Variants in CAMK1D observed in about 807,000 individuals in gnomAD.
CAMK1D encodes the protein calcium/calmodulin dependent protein kinase ID.
CAMK1D carries 9 observed loss-of-function variants against 47.7 expected under a neutral mutation model. That is an observed-to-expected ratio of 0.19 (90% CI 0.11 to 0.33). The LOEUF is 0.33. CAMK1D is among the 10% of genes least tolerant of loss of function. The pLI is 1.00. For synonymous variants in CAMK1D, 184 were observed against 184.9 expected, an observed-to-expected ratio of 0.99 and a Z score of 0.04; for missense variants, 291 against 488.7, an observed-to-expected ratio of 0.60 and a Z score of 3.81.
At chr10:12,564,143 C>G (rs56385850) in intron 2 of CAMK1D, among the ~76,000 whole-genome samples, 54,383 of 132,136 alleles carry the variant, frequency 0.41, 10,249 homozygotes, top group Middle Eastern at 0.46. Flanking sequence ...CTCTCTCTCT[C>G]TCTGTCTCTC....
At chr10:12,411,913 T>C (rs76495296) in intron 1 of CAMK1D, among the ~76,000 whole-genome samples, 36 of 152,348 alleles carry the variant, frequency 2.4e-4, no homozygotes, top group African/African-American at 7.9e-4. Flanking sequence ...TGGCTTCATA[T>C]GCTCCTCTTG....
intron 2 of CAMK1D, among the ~76,000 whole-genome samples, chr10:12,609,656 T>G (rs757322881): frequency 6.6e-6 from 1 of 152,164 alleles, no homozygotes; most frequent in Middle Eastern, 3.4e-3. Context: ...GAGGTGGAGC[T>G]CAGGCGGTGA....
chr10:12,615,760 G>A lies in CAMK1D; in HGVS notation c.225-50976G>A, dbSNP rs181337030. On this transcript the variant is annotated intron_variant, in intron 2 of 10. Transcript: ENST00000619168. ...TGTGGGGGTGTGTATAGTTGTGTGC[G>A]TAGGTGTGTGTAAGTGCATGTGTGT... 2.6e-4 allele frequency among the ~76,000 whole-genome samples: 40 copies of A among 151,356 alleles called. No homozygotes were observed. In the South Asian group the frequency reaches 2.7e-3, roughly 10 times the overall value.
At chr10:12,493,034 G>A (rs1834433439) in intron 1 of CAMK1D, among the ~76,000 whole-genome samples, 1 of 152,210 alleles carries the variant, frequency 6.6e-6, no homozygotes, top group African/African-American at 2.4e-5. Context: ...ATTCATGGAT[G>A]AAACCCTTGC....
intron 1 of CAMK1D, among the ~76,000 whole-genome samples, chr10:12,366,658 T>A (rs1837844876): frequency 6.9e-6 from 1 of 145,796 alleles, no homozygotes; most frequent in Non-Finnish European, 1.5e-5. Context: ...GACTATGTCT[T>A]AAAAAAAAAA....
intron 3 of CAMK1D, among the ~76,000 whole-genome samples, chr10:12,735,251 C>T (rs951935476): frequency 8.5e-5 from 13 of 152,070 alleles, no homozygotes; most frequent in East Asian, 7.7e-4. Flanking sequence ...CCGAGGCGGG[C>T]GGATCACGAG....
In CAMK1D at chr10:12,467,093, A is replaced by G. The variant is rs143294236; in HGVS notation, c.93-86132A>G. 3.3e-5 allele frequency among the ~76,000 whole-genome samples: 5 copies of G among 152,100 alleles called. No individual in the cohort carries two copies. The East Asian group carries it at 9.7e-4, about 29-fold the overall frequency. The stretch of plus-strand genomic sequence containing the variant: ...TACGTGGCCCGCAGAAGGAATGGGT[A>G]GATGCTGCCATGTGGAACGTGTAAT... On this transcript the variant is annotated intron_variant, in intron 1 of 10. Transcript: ENST00000619168.
At chr10:12,433,134 T>C (rs1050681041) in intron 1 of CAMK1D, among the ~76,000 whole-genome samples, 3 of 152,208 alleles carry the variant, frequency 2.0e-5, no homozygotes, top group Non-Finnish European at 4.4e-5. Context: ...AGGTTTCCTC[T>C]CACAGCCTCA....
At chr10:12,630,373 CTTT>C (rs57333952) in intron 2 of CAMK1D, among the ~76,000 whole-genome samples, 1 of 93,652 alleles carries the variant, frequency 1.1e-5, no homozygotes, top group African/African-American at 3.7e-5. Context: ...CTTTTTCTTT[CTTT>C]TTTTTTTTTT....
intron 3 of CAMK1D, among the ~76,000 whole-genome samples, chr10:12,692,835 C>T (rs1832982741): frequency 6.6e-6 from 1 of 152,168 alleles, no homozygotes; most frequent in Non-Finnish European, 1.5e-5. Context: ...GATGGAGCGT[C>T]TTCTAATGTT....
intron 8 of CAMK1D, among the ~76,000 whole-genome samples, chr10:12,816,995 G>A (rs893554088): frequency 6.7e-6 from 1 of 148,286 alleles, no homozygotes; most frequent in Non-Finnish European, 1.5e-5. Context: ...TGGAAGGCAA[G>A]GAGTAGCAAG....
intron 1 of CAMK1D, among the ~76,000 whole-genome samples, chr10:12,463,994 G>A (rs1833516130): frequency 6.6e-6 from 1 of 152,054 alleles, no homozygotes. Context: ...ATGATTGTAA[G>A]TTTCCCGAGG....
intron 1 of CAMK1D, among the ~76,000 whole-genome samples, chr10:12,437,562 A>G (rs536434713): frequency 1.3e-5 from 2 of 152,270 alleles, no homozygotes; most frequent in African/African-American, 2.4e-5. Context: ...GAGATTTCCT[A>G]TATACTCGCT....
chr10:12,777,662 C>T (rs2130953894), intron 5 of CAMK1D, among the ~76,000 whole-genome samples: 1 of 152,286 alleles, frequency 6.6e-6, no homozygotes, highest in African/African-American at 2.4e-5. Context: ...GCGTGAGCCA[C>T]CATTCCTGGC....
chr10:12,546,533 T>A (rs548518443), intron 1 of CAMK1D, among the ~76,000 whole-genome samples: 2 of 151,690 alleles, frequency 1.3e-5, no homozygotes, highest in East Asian at 3.9e-4. Flanking sequence ...ATGAGAGAGA[T>A]TAAAATATGG....
intron 1 of CAMK1D, among the ~76,000 whole-genome samples, chr10:12,381,784 G>A (rs1838355755): frequency 6.6e-6 from 1 of 152,184 alleles, no homozygotes; most frequent in Non-Finnish European, 1.5e-5. Context: ...GATCCCAGAT[G>A]TGCCAATTAG....
chr10:12,746,335 G>T (rs1025030834), intron 3 of CAMK1D, among the ~76,000 whole-genome samples: 1 of 133,744 alleles, frequency 7.5e-6, no homozygotes, highest in Non-Finnish European at 1.5e-5. Context: ...CTGCACTCCA[G>T]CCTGGGCGAC....
chr10:12,379,063 G>C (rs1838269952), intron 1 of CAMK1D, among the ~76,000 whole-genome samples: 1 of 152,004 alleles, frequency 6.6e-6, no homozygotes, highest in Non-Finnish European at 1.5e-5. Flanking sequence ...GCCCACCTCG[G>C]CCTCCCAAAG....
At chr10:12,530,253 T>C (rs905922360) in intron 1 of CAMK1D, among the ~76,000 whole-genome samples, 2 of 152,182 alleles carry the variant, frequency 1.3e-5, no homozygotes, top group Non-Finnish European at 2.9e-5. Context: ...GGCTGCTTCC[T>C]TTAGGCTGCG....
Sources: allele counts gnomAD v4.1 joint callset (sites outside exome capture counted in the v4.1 genomes callset), GRCh38; gene constraint gnomAD v4.1.1; transcripts MANE v1.5; gene names NCBI Gene and HGNC (gene_info 2026-07-23, HGNC 2026-07-21).